The following LRRC7 variants were observed in gnomAD, a reference collection of about 807,000 sequenced individuals.
The protein encoded by LRRC7 is leucine rich repeat containing 7.
In LRRC7, 23 loss-of-function variants were observed where a neutral mutation model predicts 175.7. That is an observed-to-expected ratio of 0.13 (90% CI 0.09 to 0.19). The LOEUF (loss-of-function observed/expected upper bound fraction) is 0.19. Among genes scored for constraint, LRRC7 ranks in the 10% least tolerant of loss-of-function variants. The pLI, the probability that LRRC7 is intolerant of heterozygous loss-of-function variation, is 1.00. For missense variants in LRRC7, 1,354 were observed against 1,904.7 expected (o/e 0.71, Z 5.38); for synonymous variants, 685 against 680.9 (o/e 1.01, Z -0.09).
intron 11 of LRRC7, among the ~76,000 whole-genome samples, chr1:69,998,385 G>A (rs2101922145): frequency 6.6e-6 from 1 of 152,140 alleles, no homozygotes; most frequent in South Asian, 2.1e-4. Context: ...AAACTCAGAT[G>A]TTCAGACTTT....
At position 70,011,782 on chromosome 1, in the gene LRRC7, T is replaced by C; in HGVS notation, c.1005-15T>C. 1 of 1,529,538 alleles carries C rather than the reference T, an allele frequency of 6.5e-7. No individual in the cohort carries two copies. The highest frequency in any genetic ancestry group is 9.0e-7 in the Non-Finnish European group (1 of 1,106,978). The allele number at this position is 1,529,538 out of a possible 1,614,324, so 94.7% of individuals were successfully genotyped here. A position where few individuals can be genotyped will look rare whatever the true frequency, so the allele number is the denominator to read the frequency against. Reference sequence around the variant, plus strand: ...TAACTTTTAAAATGTCTAACTAATGTATTTAACTTTTCAGTTTATCTTTAT... The same window carrying C: ...TAACTTTTAAAATGTCTAACTAATGCATTTAACTTTTCAGTTTATCTTTAT... On this transcript the variant is annotated splice_polypyrimidine_tract_variant and intron_variant, in intron 11 of 26. Coordinates refer to ENST00000651989, the MANE Select transcript of LRRC7 (RefSeq NM_001370785.2).
chr1:70,038,956 G>A lies in LRRC7; in HGVS notation c.3132G>A (p.Glu1044=). The A allele has an allele frequency of 6.2e-7, 1 of 1,614,018 alleles. No individual in the cohort carries two copies. The highest frequency in any genetic ancestry group is 1.7e-4 in the Middle Eastern group (1 of 6,060). Residue 1044 remains glutamate (E), a synonymous_variant, in exon 21 of 27, where the codon GAG becomes GAA. Coordinates refer to ENST00000651989, the MANE Select transcript of LRRC7 (RefSeq NM_001370785.2). Reference sequence around the variant, plus strand: ...AGTCAGTCCCAATGCTGGATGATGAGATGCTCACCTACGGAAGTAGTAAGG... The same window carrying A: ...AGTCAGTCCCAATGCTGGATGATGAAATGCTCACCTACGGAAGTAGTAAGG... ...RSQSVPMLDD[E]MLTYGSSKGP...
At chr1:69,760,149 G>C in intron 2 of LRRC7, 42 bp from the exon 3 acceptor site, 1 of 1,598,876 alleles carries the variant, frequency 6.3e-7, no homozygotes, top group Non-Finnish European at 8.6e-7. Flanking sequence ...CAAGGGCACT[G>C]GATAAGCTGT....
intron 17 of LRRC7, among the ~76,000 whole-genome samples, chr1:70,025,839 G>A: frequency 7.0e-6 from 1 of 143,382 alleles, no homozygotes; most frequent in East Asian, 2.3e-4. Context: ...TAAGGGGGGG[G>A]GGGTCCTCTT....
chr1:69,962,994 T>A (rs930044542), intron 8 of LRRC7, among the ~76,000 whole-genome samples: 6 of 150,744 alleles, frequency 4.0e-5, no homozygotes, highest in Admixed American at 6.6e-5. Flanking sequence ...TAAAAGTTTT[T>A]AAAAAAAAAC....
At chr1:69,789,674 C>T (rs930358346) in intron 3 of LRRC7, among the ~76,000 whole-genome samples, 5 of 151,974 alleles carry the variant, frequency 3.3e-5, no homozygotes, top group Non-Finnish European at 7.4e-5. Context: ...TCTTTATTTC[C>T]CTTTTAATTA....
chr1:69,704,601 C>T (rs910920515), intron 2 of LRRC7, among the ~76,000 whole-genome samples: 5 of 151,796 alleles, frequency 3.3e-5, no homozygotes, highest in Non-Finnish European at 1.5e-5. Flanking sequence ...AGTATGTTTA[C>T]AGGGAACATA....
At chr1:70,074,871 A>C (rs561334683) in intron 23 of LRRC7, among the ~76,000 whole-genome samples, 2,399 of 150,488 alleles carry the variant, frequency 0.016, 67 homozygotes, top group African/African-American at 0.056. Context: ...AAACTTTAAA[A>C]TAATTAAATT....
chr1:70,085,139 A>G (rs181275123), intron 24 of LRRC7, among the ~76,000 whole-genome samples: 1 of 152,156 alleles, frequency 6.6e-6, no homozygotes, highest in East Asian at 1.9e-4. Context: ...AAAAGTTTTT[A>G]GTTTTTATGA....
chr1:69,843,220 A>T (rs1160377481), intron 7 of LRRC7, among the ~76,000 whole-genome samples: 1 of 151,988 alleles, frequency 6.6e-6, no homozygotes, highest in Non-Finnish European at 1.5e-5. Context: ...ACAACAAAAA[A>T]AAAACCTAGT....
chr1:69,668,431 T>A (rs1382215385), intron 1 of LRRC7, among the ~76,000 whole-genome samples: 1 of 152,168 alleles, frequency 6.6e-6, no homozygotes, highest in Non-Finnish European at 1.5e-5. Context: ...TTGCTGAGAA[T>A]GATGGTTTCC....
In LRRC7 at chr1:69,781,695, G is replaced by GA. The variant is rs199852282; in HGVS notation, c.304-10345dup. Among the ~76,000 whole-genome samples, 4 of 23,676 alleles carry GA rather than the reference G, an allele frequency of 1.7e-4. 1 individual carries two copies. In the Middle Eastern group the frequency reaches 0.056, roughly 329 times the overall value. 15.5% of individuals were successfully genotyped at this position (23,676 alleles called of 152,430 possible). A position where few individuals can be genotyped will look rare whatever the true frequency, so the allele number is the denominator to read the frequency against. ...AGACTGTCTCAAAAAAAAGAAGAAAGAAAGAAAGAAAGAAAGAAAGAAAGA... is the reference window on the plus strand; with the variant it reads ...AGACTGTCTCAAAAAAAAGAAGAAAGAAAAGAAAGAAAGAAAGAAAGAAAGA... On this transcript the variant is annotated intron_variant, in intron 3 of 26. Transcript: ENST00000651989.
chr1:69,803,333 A>C (rs1324540053), intron 4 of LRRC7, among the ~76,000 whole-genome samples: 1 of 151,418 alleles, frequency 6.6e-6, no homozygotes, highest in Non-Finnish European at 1.5e-5. Context: ...TTGAAAGATT[A>C]ATTTGGGAAG....
At chr1:69,661,282 G>C (rs1657435263) in intron 1 of LRRC7, among the ~76,000 whole-genome samples, 1 of 152,048 alleles carries the variant, frequency 6.6e-6, no homozygotes, top group Non-Finnish European at 1.5e-5. Context: ...TTTTTCCCAA[G>C]AACCTATCTT....
At chr1:69,951,425 A>G (rs1430775856) in intron 8 of LRRC7, among the ~76,000 whole-genome samples, 3 of 152,026 alleles carry the variant, frequency 2.0e-5, no homozygotes, top group East Asian at 1.9e-4. Flanking sequence ...CAATCCAGCA[A>G]TCCCACTACT....
chr1:69,736,321 T>C (rs1413153522), intron 2 of LRRC7, among the ~76,000 whole-genome samples: 1 of 152,156 alleles, frequency 6.6e-6, no homozygotes, highest in African/African-American at 2.4e-5. Context: ...TAACATTTGC[T>C]AAGTCATTTG....
chr1:69,765,083 A>G (rs114093562), intron 3 of LRRC7, among the ~76,000 whole-genome samples: 1 of 152,038 alleles, frequency 6.6e-6, no homozygotes, highest in African/African-American at 2.4e-5. Flanking sequence ...ACTTACATCA[A>G]CACATTTGTG....
At chr1:69,761,729 G>A (rs1025184168) in intron 3 of LRRC7, among the ~76,000 whole-genome samples, 1 of 151,936 alleles carries the variant, frequency 6.6e-6, no homozygotes, top group African/African-American at 2.4e-5. Context: ...AACTACTTAA[G>A]GGCAAAGATG....
intron 7 of LRRC7, among the ~76,000 whole-genome samples, chr1:69,857,217 CCT>C (rs1444336049): frequency 6.6e-6 from 1 of 152,102 alleles, no homozygotes; most frequent in African/African-American, 2.4e-5. Flanking sequence ...ACAGGGATCC[CCT>C]CTCTCACCAC....
Sources: gnomAD v4.1 joint callset for allele counts (sites outside exome capture counted in the v4.1 genomes callset) on GRCh38, gnomAD v4.1.1 for gene constraint, MANE v1.5 for transcripts, NCBI Gene and HGNC (gene_info 2026-07-23, HGNC 2026-07-21) for gene names.